The following SUGCT variants were observed in gnomAD, a reference collection of about 807,000 sequenced individuals.
The protein encoded by SUGCT is succinyl-CoA:glutarate-CoA transferase, also known as succinyl-CoA:glutarate CoA-transferase.
SUGCT carries 41 observed loss-of-function variants against 55.0 expected under a neutral mutation model. The ratio of observed to expected loss-of-function variants is 0.74; its 90% CI spans 0.58 to 0.97. The LOEUF (loss-of-function observed/expected upper bound fraction) is 0.97. SUGCT is among the 50% of genes least tolerant of loss of function. The pLI is 0.00. For missense variants in SUGCT, 568 were observed against 547.8 expected, an observed-to-expected ratio of 1.04 and a Z score of -0.37; for synonymous variants, 187 against 200.4, an observed-to-expected ratio of 0.93 and a Z score of 0.56.
At chr7:40,183,073 G>A (rs946086614) in intron 3 of SUGCT, among the ~76,000 whole-genome samples, 2 of 152,194 alleles carry the variant, frequency 1.3e-5, no homozygotes, top group African/African-American at 4.8e-5. Context: ...GGCAGTTCGA[G>A]ACCAGCCTGG....
the SUGCT span, among the ~76,000 whole-genome samples, chr7:40,993,735 T>C: frequency 1.3e-5 from 2 of 152,172 alleles, no homozygotes; most frequent in Non-Finnish European, 2.9e-5. Context: ...GATTTGAAGT[T>C]GGAAGAACTG....
At chr7:40,436,922 G>C (rs2016096724) in intron 9 of SUGCT, among the ~76,000 whole-genome samples, 2 of 152,098 alleles carry the variant, frequency 1.3e-5, no homozygotes, top group African/African-American at 4.8e-5. Flanking sequence ...TTTTTGCATA[G>C]TTTCTGTGAA....
intron 13 of SUGCT, among the ~76,000 whole-genome samples, chr7:40,850,539 C>T (rs931122758): frequency 1.3e-5 from 2 of 152,312 alleles, no homozygotes; most frequent in African/African-American, 4.8e-5. Context: ...CTGTTAGAGA[C>T]ACTAAGTATG....
At chr7:40,868,103 C>T in the SUGCT span, among the ~76,000 whole-genome samples, 1 of 152,088 alleles carries the variant, frequency 6.6e-6, no homozygotes, top group Non-Finnish European at 1.5e-5. Context: ...TCTATTCCTC[C>T]CTCCCTATAT....
chr7:40,257,875 G>GA (rs1331692163), intron 7 of SUGCT, among the ~76,000 whole-genome samples: 3 of 150,492 alleles, frequency 2.0e-5, no homozygotes, highest in Non-Finnish European at 4.4e-5. Context: ...CTACGTCTCA[G>GA]AAAAAAAAAT....
chr7:40,359,163 A>G (rs2151217238), intron 9 of SUGCT, among the ~76,000 whole-genome samples: 1 of 151,816 alleles, frequency 6.6e-6, no homozygotes, highest in South Asian at 2.2e-4. Flanking sequence ...GTATGTATGT[A>G]CATGTATGTA....
At chr7:40,192,675 A>G (rs1260115464) in intron 5 of SUGCT, among the ~76,000 whole-genome samples, 1 of 130,168 alleles carries the variant, frequency 7.7e-6, no homozygotes, top group Non-Finnish European at 1.6e-5. Context: ...CTTGTCTCCC[A>G]GGCTAGGGTA....
rs941525070 is a variant in SUGCT at position 40,724,561 on chromosome 7, C to CA, written c.1090-24862dup. ...CTGGTGACAGAGTGAGACTCCATCT[C>CA]AAAAAAAAAAAGCTCTGGGGGTCTG... On this transcript the variant is annotated intron_variant, in intron 12 of 13. Transcript: ENST00000335693. Among the ~76,000 whole-genome samples the CA allele has an allele frequency of 1.1e-3, 157 of 139,720 alleles. 1 individual carries two copies. Among genetic ancestry groups the CA allele is most frequent in the East Asian group, 8.7e-3 (42 of 4,848 alleles). 91.7% of individuals were successfully genotyped at this position (139,720 alleles called of 152,430 possible).
chr7:40,824,620 G>A (rs998549863), intron 13 of SUGCT, among the ~76,000 whole-genome samples: 19 of 152,176 alleles, frequency 1.2e-4, no homozygotes, highest in African/African-American at 1.9e-4. Context: ...TCTTTGTTTC[G>A]TGCTGCTATA....
At chr7:40,912,596 C>A in the SUGCT span, among the ~76,000 whole-genome samples, 151,635 of 152,274 alleles carry the variant, frequency 1, 75,499 homozygotes, top group Middle Eastern at 1. Context: ...ATTAACTTAT[C>A]CTGTGTATTT....
At chr7:40,957,447 C>CTTTTTTTTTTTT in the SUGCT span, among the ~76,000 whole-genome samples, 1 of 76,088 alleles carries the variant, frequency 1.3e-5, no homozygotes, top group Admixed American at 1.6e-4. Context: ...GCAACCCCTG[C>CTTTTTTTTTTTT]TTTTTTTTTT....
At chr7:40,758,089 G>A (rs1788346943) in intron 13 of SUGCT, among the ~76,000 whole-genome samples, 1 of 152,194 alleles carries the variant, frequency 6.6e-6, no homozygotes, top group Non-Finnish European at 1.5e-5. Flanking sequence ...GAATCAAGAA[G>A]TGACATTATC....
intron 9 of SUGCT, among the ~76,000 whole-genome samples, chr7:40,361,359 G>A (rs1161534663): frequency 6.6e-6 from 1 of 152,046 alleles, no homozygotes; most frequent in African/African-American, 2.4e-5. Context: ...TGGATCATGA[G>A]GTCAGGAGAT....
intron 11 of SUGCT, among the ~76,000 whole-genome samples, chr7:40,460,384 G>A (rs750221657): frequency 1.3e-5 from 2 of 152,130 alleles, no homozygotes; most frequent in African/African-American, 2.4e-5. Flanking sequence ...TGATTCTACC[G>A]CGAAGCCCCA....
At chr7:40,374,489 G>A in intron 9 of SUGCT, among the ~76,000 whole-genome samples, 1 of 152,086 alleles carries the variant, frequency 6.6e-6, no homozygotes, top group East Asian at 1.9e-4. Context: ...CAAATAAAGG[G>A]TATCAGCACA....
chr7:40,918,483 T>TG, the SUGCT span, among the ~76,000 whole-genome samples: 1 of 149,606 alleles, frequency 6.7e-6, no homozygotes, highest in Non-Finnish European at 1.5e-5. Flanking sequence ...AAAAAAGGTT[T>TG]GGGGGATATA....
At chr7:40,996,614 G>A in the SUGCT span, among the ~76,000 whole-genome samples, 1 of 152,146 alleles carries the variant, frequency 6.6e-6, no homozygotes, top group Non-Finnish European at 1.5e-5. Context: ...CCAACTTTCT[G>A]TCCTGCAATT....
At chr7:40,761,062 CAT>C (rs1788505415) in intron 13 of SUGCT, among the ~76,000 whole-genome samples, 1 of 152,194 alleles carries the variant, frequency 6.6e-6, no homozygotes, top group African/African-American at 2.4e-5. Flanking sequence ...TAAGAAATAA[CAT>C]AAAACAAATC....
chr7:40,979,347 C>CA, the SUGCT span: 1 of 152,188 alleles, frequency 6.6e-6, no homozygotes, highest in Non-Finnish European at 1.5e-5. Flanking sequence ...ATCTAAAGAC[C>CA]AGAAATGCTG....
Sources: gnomAD v4.1 joint callset for allele counts (sites outside exome capture counted in the v4.1 genomes callset) on GRCh38, gnomAD v4.1.1 for gene constraint, MANE v1.5 for transcripts, NCBI Gene and HGNC (gene_info 2026-07-23, HGNC 2026-07-21) for gene names.